DMD: variants seen among roughly 807,000 people sequenced by gnomAD.
DMD encodes dystrophin, also known as mutant dystrophin.
Under a neutral mutation model 330.1 loss-of-function variants are expected in DMD, and 63 were observed. That is an observed-to-expected ratio of 0.19 (90% CI 0.16 to 0.24). The LOEUF (loss-of-function observed/expected upper bound fraction) is 0.24. DMD is among the 10% of genes least tolerant of loss of function. DMD has a pLI of 1.00. For synonymous variants in DMD, 1,223 were observed against 959.8 expected (o/e 1.27, Z -5.07); for missense variants, 3,344 against 2,684.1 (o/e 1.25, Z -5.43).
chrX:31,415,132 G>A (rs1355755250), intron 60 of DMD, among the ~76,000 whole-genome samples: 1 of 112,236 alleles, frequency 8.9e-6, no homozygotes, highest in Non-Finnish European at 1.9e-5. Context: ...AAAAAAACCA[G>A]CCTGGACAAT....
At chrX:32,598,989 A>G (rs1007998881) in intron 12 of DMD, among the ~76,000 whole-genome samples, 2 of 111,743 alleles carry the variant, frequency 1.8e-5, no homozygotes, top group Admixed American at 1.9e-4. Context: ...GGTACATTTG[A>G]TTTAATGTTA....
chrX:32,930,071 T>C (rs1165644183), intron 2 of DMD, among the ~76,000 whole-genome samples: 1 of 111,782 alleles, frequency 8.9e-6, no homozygotes, highest in Non-Finnish European at 1.9e-5. Context: ...CTGTACATCA[T>C]AGGTTAGCCT....
chrX:32,291,525 G>A (rs1374614870), intron 42 of DMD, among the ~76,000 whole-genome samples: 2 of 111,638 alleles, frequency 1.8e-5, no homozygotes, highest in Non-Finnish European at 3.8e-5. Flanking sequence ...GAGCTGAAGT[G>A]GGAAGGAAGT....
At chrX:32,529,625 T>C (rs2047298244) in intron 17 of DMD, among the ~76,000 whole-genome samples, 1 of 110,203 alleles carries the variant, frequency 9.1e-6, no homozygotes, top group Non-Finnish European at 1.9e-5. Context: ...TGTAAATATG[T>C]TTACTTACCT....
In DMD at chrX:31,709,555, G is replaced by GCTCT. The variant is rs753402977; in HGVS notation, c.7660+20072_7660+20075dup. Among the ~76,000 whole-genome samples, 43 of 89,754 alleles carry GCTCT rather than the reference G, an allele frequency of 4.8e-4. 1 individual carries two copies. Among genetic ancestry groups the GCTCT allele is most frequent in the African/African-American group, 1.2e-3 (28 of 23,473 alleles). 77.9% of individuals were successfully genotyped at this position (89,754 alleles called of 115,157 possible). ...GTCAGGAATTGGTTGTTATTGTACA[G>GCTCT]CTCTCTCTCTCTCTCTCTCTCTCTC... On this transcript the variant is annotated intron_variant, in intron 52 of 78. Transcript: ENST00000357033.
chrX:32,469,677 C>A (rs1301321644), intron 22 of DMD, among the ~76,000 whole-genome samples: 2 of 111,202 alleles, frequency 1.8e-5, no homozygotes, highest in Non-Finnish European at 3.8e-5. Context: ...ACACTTTGAG[C>A]TAGGTGTTTT....
intron 42 of DMD, among the ~76,000 whole-genome samples, chrX:32,303,195 A>C (rs1217997870): frequency 9.0e-6 from 1 of 111,584 alleles, no homozygotes; most frequent in Non-Finnish European, 1.9e-5. Flanking sequence ...GTTAGGATAC[A>C]ATATAAAAAG....
intron 55 of DMD, among the ~76,000 whole-genome samples, chrX:31,584,506 T>C (rs1266976333): frequency 8.9e-6 from 1 of 111,828 alleles, no homozygotes; most frequent in African/African-American, 3.3e-5. Context: ...TAAAGATACA[T>C]GCACACGTAT....
In DMD at chrX:32,156,421, A is replaced by C. The variant is rs1179346497; in HGVS notation, c.6438+60495T>G. Among the ~76,000 whole-genome samples, 8 of 112,351 alleles carry C rather than the reference A, an allele frequency of 7.1e-5. No individual in the cohort carries two copies. In the Admixed American group the frequency reaches 7.5e-4, roughly 11 times the overall value. The stretch of plus-strand genomic sequence containing the variant: ...TGTAAAAAAAGATTTAAGCAAACCC[A>C]CTGATAACAATACTTAGAAAGTTTG... On this transcript the variant is annotated intron_variant, in intron 44 of 78. Transcript: ENST00000357033.
chrX:32,722,841 G>C (rs1424920324), intron 7 of DMD, among the ~76,000 whole-genome samples: 1 of 110,734 alleles, frequency 9.0e-6, no homozygotes, highest in South Asian at 3.7e-4. Context: ...GGAGTCCTTA[G>C]GGGTTTCTAC....
chrX:32,552,286 A>G (rs757038803), intron 16 of DMD, among the ~76,000 whole-genome samples: 1 of 111,895 alleles, frequency 8.9e-6, no homozygotes, highest in South Asian at 3.7e-4. Context: ...AAACCAATGG[A>G]AAAGAATAGA....
At chrX:32,646,492 C>G (rs184442401) in intron 9 of DMD, among the ~76,000 whole-genome samples, 1 of 110,884 alleles carries the variant, frequency 9.0e-6, no homozygotes, top group Non-Finnish European at 1.9e-5. Context: ...AGCACGGGGC[C>G]CCCTAACAAA....
intron 1 of DMD, among the ~76,000 whole-genome samples, chrX:33,118,353 G>T (rs1404721748): frequency 2.7e-5 from 3 of 110,105 alleles, no homozygotes; most frequent in Admixed American, 1.9e-4. Context: ...CTCGTGATCC[G>T]CCCGCCTCGG....
intron 49 of DMD, among the ~76,000 whole-genome samples, chrX:31,835,243 G>A (rs779965830): frequency 7.8e-4 from 88 of 112,465 alleles, no homozygotes; most frequent in African/African-American, 2.7e-3. Flanking sequence ...CTAACAATTA[G>A]TGACAAACCT....
chrX:31,613,580 G>C (rs2078041467), intron 55 of DMD, among the ~76,000 whole-genome samples: 2 of 111,806 alleles, frequency 1.8e-5, no homozygotes, highest in Admixed American at 1.9e-4. Flanking sequence ...AAGCCATGAA[G>C]TTTTGGGCTG....
intron 27 of DMD, among the ~76,000 whole-genome samples, chrX:32,447,903 G>C (rs1463209936): frequency 9.0e-6 from 1 of 111,265 alleles, no homozygotes; most frequent in Non-Finnish European, 1.9e-5. Flanking sequence ...AGTTAAAGCA[G>C]AAGTTGTGAT....
intron 1 of DMD, among the ~76,000 whole-genome samples, chrX:33,231,820 A>C (rs970832733): frequency 5.4e-5 from 6 of 111,741 alleles, no homozygotes; most frequent in Non-Finnish European, 1.1e-4. Flanking sequence ...TAAGGCACAA[A>C]GAGAGTGGAG....
intron 43 of DMD, among the ~76,000 whole-genome samples, chrX:32,242,401 A>G (rs2097212043): frequency 8.9e-6 from 1 of 112,003 alleles, no homozygotes. Flanking sequence ...TGTTGGAAAT[A>G]AAGCCAATAG....
intron 61 of DMD, among the ~76,000 whole-genome samples, chrX:31,329,091 G>A (rs1168389095): frequency 2.7e-5 from 3 of 112,412 alleles, no homozygotes; most frequent in East Asian, 2.8e-4. Flanking sequence ...AAACAGATTA[G>A]TCTATATTTT....
Sources: allele counts gnomAD v4.1 joint callset (sites outside exome capture counted in the v4.1 genomes callset), GRCh38; gene constraint gnomAD v4.1.1; transcripts MANE v1.5; gene names NCBI Gene and HGNC (gene_info 2026-07-23, HGNC 2026-07-21).